Variants in CSNK2A1 observed in about 807,000 individuals in gnomAD.
CSNK2A1 encodes the protein casein kinase II subunit alpha.
In CSNK2A1, 10 loss-of-function variants were observed where a neutral mutation model predicts 62.9. The observed-to-expected ratio is 0.16, with a 90% CI of 0.10 to 0.27. The LOEUF is 0.27. Among genes scored for constraint, CSNK2A1 ranks in the 10% least tolerant of loss-of-function variants. The probability of loss-of-function intolerance (pLI) is 1.00; values close to 1 mark genes in which losing one functional copy is unlikely to be tolerated. For synonymous variants in CSNK2A1, 124 were observed against 167.8 expected (o/e 0.74, Z 2.02); for missense variants, 160 against 492.0 (o/e 0.33, Z 6.38).
chr20:498,940 A>G (rs775788564), intron 6 of CSNK2A1: 46 of 180,810 alleles, frequency 2.5e-4, no homozygotes, highest in Non-Finnish European at 4.8e-4. Context: ...TTTAAAGCGA[A>G]TTGCCATATG....
intron 3 of CSNK2A1, chr20:506,749 G>C (rs977655715): frequency 2.0e-5 from 3 of 152,206 alleles, no homozygotes; most frequent in Non-Finnish European, 2.9e-5. Context: ...AATAATCATG[G>C]CAGGTGTAGG....
At chr20:529,345 G>C (rs548666551) in intron 1 of CSNK2A1, among the ~76,000 whole-genome samples, 2 of 152,236 alleles carry the variant, frequency 1.3e-5, no homozygotes, top group African/African-American at 4.8e-5. Context: ...ATTGTACATG[G>C]TTCTGAGTAA....
intron 1 of CSNK2A1, among the ~76,000 whole-genome samples, chr20:528,891 C>T (rs1447607717): frequency 2.0e-5 from 3 of 152,232 alleles, no homozygotes; most frequent in African/African-American, 7.2e-5. Context: ...AGATTCACAG[C>T]CTATTCTTCT....
intron 13 of CSNK2A1, among the ~76,000 whole-genome samples, 186 bp from the exon 14 acceptor site, chr20:484,262 T>C (rs1004429353): frequency 1.3e-5 from 2 of 152,196 alleles, no homozygotes; most frequent in Non-Finnish European, 2.9e-5. Context: ...TCCTAATCAA[T>C]TTAAGAGACA....
In CSNK2A1 at chr20:518,757, G is replaced by T. The variant is rs190395594; in HGVS notation, c.-110+9176C>A. Among the ~76,000 whole-genome samples, 361 of 141,658 alleles carry T rather than the reference G, an allele frequency of 2.5e-3. 1 individual carries two copies. The highest frequency in any genetic ancestry group is 9.1e-3 in the African/African-American group (345 of 37,724). 92.9% of individuals were successfully genotyped at this position (141,658 alleles called of 152,430 possible). A position where few individuals can be genotyped will look rare whatever the true frequency, so the allele number is the denominator to read the frequency against. On this transcript the variant is annotated intron_variant, in intron 2 of 13. Transcript: ENST00000217244. The stretch of plus-strand genomic sequence containing the variant: ...TTTTAAGTAAAGACGGGGTTTCACC[G>T]TGTTAGCCAGGACGGTCTCGATCTC...
chr20:494,479 T>C (rs895792725), intron 8 of CSNK2A1: 3 of 152,230 alleles, frequency 2.0e-5, no homozygotes, highest in Non-Finnish European at 2.9e-5. Context: ...TATAAAACAA[T>C]AGTTAAGCAT....
At chr20:521,677 C>G (rs1401751299) in intron 2 of CSNK2A1, among the ~76,000 whole-genome samples, 1 of 152,188 alleles carries the variant, frequency 6.6e-6, no homozygotes, top group Non-Finnish European at 1.5e-5. Flanking sequence ...GTTACATGAA[C>G]AAACAAATGG....
intron 1 of CSNK2A1, among the ~76,000 whole-genome samples, chr20:529,548 G>A (rs1247229388): frequency 6.6e-5 from 10 of 152,106 alleles, no homozygotes; most frequent in Admixed American, 4.6e-4. Flanking sequence ...CAAGAGTAGC[G>A]ATGCTGAGAA....
Position 475,067 on chromosome 20 carries a change from C to A in CSNK2A1, c.*8894G>T, listed in dbSNP as rs1290457210. ...ACCCCAATAAACACAACACCGAGGA[C>A]CCCCAGAAGCACCCTGTGTATAGTG... On this transcript the variant is annotated 3_prime_UTR_variant, in exon 14 of 14. Coordinates refer to ENST00000217244, the MANE Select transcript of CSNK2A1 (RefSeq NM_177559.3). 3 of 152,152 alleles carry A rather than the reference C, an allele frequency of 2.0e-5. No homozygotes were observed. Among genetic ancestry groups the A allele is most frequent in the Admixed American group, 6.5e-5 (1 of 15,280 alleles). The allele number at this position is 152,152 out of a possible 1,614,324, so 9.4% of individuals were successfully genotyped here. A position where few individuals can be genotyped will look rare whatever the true frequency, so the allele number is the denominator to read the frequency against.
chr20:486,628 G>A, intron 12 of CSNK2A1, 166 bp from the exon 13 acceptor site: 7 of 615,768 alleles, frequency 1.1e-5, no homozygotes, highest in Admixed American at 3.4e-5. Context: ...TTAGACAAGT[G>A]GTAAAAAGCA....
chr20:498,722 A>C (rs2018396905), intron 6 of CSNK2A1: 1 of 152,150 alleles, frequency 6.6e-6, no homozygotes, highest in African/African-American at 2.4e-5. Flanking sequence ...TCTTCTGTAA[A>C]ATTGGAACTG....
At chr20:519,751 C>A (rs1330200475) in intron 2 of CSNK2A1, among the ~76,000 whole-genome samples, 1 of 152,004 alleles carries the variant, frequency 6.6e-6, no homozygotes, top group South Asian at 2.1e-4. Flanking sequence ...AAAAATAATC[C>A]CATTTTGGAA....
At chr20:513,659 C>T (rs1273085766) in intron 2 of CSNK2A1, among the ~76,000 whole-genome samples, 1 of 152,128 alleles carries the variant, frequency 6.6e-6, no homozygotes, top group Non-Finnish European at 1.5e-5. Flanking sequence ...TTCTCATCAC[C>T]CAGTCTTCTT....
At chr20:503,638 C>A in intron 4 of CSNK2A1, 1 of 397,518 alleles carries the variant, frequency 2.5e-6, no homozygotes, top group Non-Finnish European at 4.4e-6. Context: ...ATACTCCTCG[C>A]GATGGCATAT....
chr20:509,667 C>G (rs1177171881), intron 2 of CSNK2A1, among the ~76,000 whole-genome samples: 2 of 152,228 alleles, frequency 1.3e-5, no homozygotes, highest in Non-Finnish European at 2.9e-5. Flanking sequence ...CCTCAACTTC[C>G]TGGACTCCGG....
intron 6 of CSNK2A1, chr20:498,675 G>A (rs205903): frequency 0.32 from 48,011 of 152,008 alleles, 8,236 homozygotes; most frequent in East Asian, 0.68. Flanking sequence ...AAGGCAAATC[G>A]AAGATTTTTA....
chr20:535,739 CAAAA>C (rs11477824), intron 1 of CSNK2A1, among the ~76,000 whole-genome samples: 1 of 70,068 alleles, frequency 1.4e-5, no homozygotes. Context: ...GACTCCATCT[CAAAA>C]AAAAAAAAAA....
rs2017799455 is a variant in CSNK2A1 at position 473,888 on chromosome 20, G to C, written c.*10073C>G. 6.6e-6 allele frequency: 1 copy of C among 152,168 alleles called. No individual in the cohort carries two copies. Among genetic ancestry groups the C allele is most frequent in the Non-Finnish European group, 1.5e-5 (1 of 68,066 alleles). The allele number at this position is 152,168 out of a possible 1,614,324, so 9.4% of individuals were successfully genotyped here. On this transcript the variant is annotated 3_prime_UTR_variant, in exon 14 of 14. Coordinates refer to ENST00000217244, the MANE Select transcript of CSNK2A1 (RefSeq NM_177559.3). ...TCCCTGTGTATCCACTTCTAAACCA[G>C]TCACAACTGCCCGAGTCTCACAGCA...
At chr20:537,006 A>C (rs1331479158) in intron 1 of CSNK2A1, among the ~76,000 whole-genome samples, 1 of 152,220 alleles carries the variant, frequency 6.6e-6, no homozygotes, top group African/African-American at 2.4e-5. Context: ...TAGCTTTCTT[A>C]AAATTTATAG....
Sources: allele counts gnomAD v4.1 joint callset (sites outside exome capture counted in the v4.1 genomes callset), GRCh38; gene constraint gnomAD v4.1.1; transcripts MANE v1.5; gene names NCBI Gene and HGNC (gene_info 2026-07-23, HGNC 2026-07-21).